Variants in AFF1 observed in about 807,000 individuals in gnomAD.
AFF1 encodes the protein ALF transcription elongation factor 1, also known as AF4/FMR2 family member 1.
A neutral mutation model predicts 121.7 loss-of-function variants in AFF1; 48 were observed. The ratio of observed to expected loss-of-function variants is 0.39; its 90% confidence interval spans 0.31 to 0.50. The LOEUF (loss-of-function observed/expected upper bound fraction) is 0.50. Ranked by LOEUF, AFF1 falls within the 20% of genes least tolerant of loss-of-function variation. The probability of loss-of-function intolerance (pLI) is 0.76; values close to 1 mark genes in which losing one functional copy is unlikely to be tolerated. For missense variants in AFF1, 1,523 were observed against 1,511.7 expected (o/e 1.01, Z -0.12); for synonymous variants, 613 against 563.0 (o/e 1.09, Z -1.26).
intron 4 of AFF1, among the ~76,000 whole-genome samples, chr4:87,065,368 C>A (rs1417257875): frequency 6.6e-6 from 1 of 152,124 alleles, no homozygotes; most frequent in Non-Finnish European, 1.5e-5. Flanking sequence ...CCCACCAGCT[C>A]CCTCCCACAA....
Position 87,046,962 on chromosome 4 carries a change from G to A in AFF1, c.427G>A (p.Ala143Thr), listed in dbSNP as rs145392385. 68 of 1,614,072 alleles carry A rather than the reference G, an allele frequency of 4.2e-5. No individual in the cohort carries two copies. In the African/African-American group the frequency reaches 6.9e-4, roughly 16 times the overall value. The change falls in exon 4 of 21, where the codon GCG becomes ACG. Residue 143 changes from alanine to threonine, a missense_variant. By Grantham distance (58) the Ala-to-Thr change is moderately conservative. Coordinates refer to ENST00000395146, the MANE Select transcript of AFF1 (RefSeq NM_001166693.3). ...VGNISHNPKM[A>T]QPRTEPMPSL... ...CAACATTAGCCACAATCCAAAGATG[G>A]CGCAGCCAAGAACTGAACCAATGCC...
At chr4:86,983,071 G>A (rs918079104) in intron 2 of AFF1, among the ~76,000 whole-genome samples, 1 of 152,048 alleles carries the variant, frequency 6.6e-6, no homozygotes, top group Non-Finnish European at 1.5e-5. Flanking sequence ...ATAAGCCTGA[G>A]TTAGACTAAG....
intron 2 of AFF1, among the ~76,000 whole-genome samples, chr4:87,035,767 G>A (rs779776736): frequency 5.9e-5 from 9 of 152,310 alleles, no homozygotes; most frequent in East Asian, 1.9e-4. Context: ...TTGAATGTTG[G>A]ATGCTTCATA....
chr4:87,108,204 C>G lies in AFF1; in HGVS notation c.1422C>G (p.Ser474Arg). The change falls in exon 11 of 21, where the codon AGC becomes AGG. Residue 474 changes from serine (S) to arginine (R), a missense_variant. Transcript: ENST00000395146. ...LPEPVASAHS[S>R]SAESESTSDS... The stretch of plus-strand genomic sequence containing the variant: ...AACCAGTGGCATCAGCACATTCCAG[C>G]AGTGCAGAGTCAGAAAGCACCAGTG... 1 of 1,614,132 alleles carries G rather than the reference C, an allele frequency of 6.2e-7. No individual in the cohort carries two copies. The highest frequency in any genetic ancestry group is 8.5e-7 in the Non-Finnish European group (1 of 1,180,010).
chr4:86,991,150 A>C (rs1724671327), intron 2 of AFF1, among the ~76,000 whole-genome samples: 1 of 151,778 alleles, frequency 6.6e-6, no homozygotes, highest in Non-Finnish European at 1.5e-5. Flanking sequence ...AAAACAAAAA[A>C]CAAAACAAAA....
At position 87,063,535 on chromosome 4, in the gene AFF1, G is replaced by A. The variant is rs557837562; in HGVS notation, c.1059+15941G>A. ...ATTGCAGGCGTGAGCCACCGCGCCC[G>A]GCCAGATCCACCTCTTTACCTTGGC... On this transcript the variant is annotated intron_variant, in intron 4 of 20. Transcript: ENST00000395146. Among the ~76,000 whole-genome samples, 251 of 152,048 alleles carry A rather than the reference G, an allele frequency of 1.7e-3. 4 individuals are homozygous for A. The South Asian group carries it at 0.018, about 11-fold the overall frequency.
chr4:87,036,911 A>C (rs1274369269), intron 2 of AFF1: 1 of 389,170 alleles, frequency 2.6e-6, no homozygotes, highest in Non-Finnish European at 4.9e-6. Context: ...GGCTCGCTGT[A>C]ACCTCTGCCT....
intron 2 of AFF1, among the ~76,000 whole-genome samples, chr4:86,990,737 A>T (rs993682218): frequency 2.6e-5 from 4 of 152,204 alleles, no homozygotes; most frequent in Non-Finnish European, 5.9e-5. Flanking sequence ...TTTCCCAGGA[A>T]CTTGATTCAA....
At chr4:86,990,308 C>A in intron 2 of AFF1, among the ~76,000 whole-genome samples, 1 of 142,694 alleles carries the variant, frequency 7.0e-6, no homozygotes, top group African/African-American at 2.8e-5. Flanking sequence ...TATAGTGAGA[C>A]CTTGTCCCTA....
Position 87,114,357 on chromosome 4 carries a change from T to C in AFF1, c.1534-10T>C. ...TCAGTTAACACTTTTCTTTCTTTCC[T>C]TATTTTTAGCCTGAGCCTCCAACAA... On this transcript the variant is annotated splice_polypyrimidine_tract_variant and intron_variant, in intron 11 of 20. Transcript: ENST00000395146. 1 of 1,577,802 alleles carries C rather than the reference T, an allele frequency of 6.3e-7. No individual in the cohort carries two copies. The highest frequency in any genetic ancestry group is 8.6e-7 in the Non-Finnish European group (1 of 1,169,432).
At chr4:86,956,411 C>A (rs933960198) in intron 2 of AFF1, among the ~76,000 whole-genome samples, 2 of 152,164 alleles carry the variant, frequency 1.3e-5, no homozygotes, top group Non-Finnish European at 2.9e-5. Context: ...AGTATTTACT[C>A]TTCTACAAGT....
chr4:86,944,319 C>T (rs1196159947), intron 1 of AFF1, among the ~76,000 whole-genome samples: 1 of 151,870 alleles, frequency 6.6e-6, no homozygotes, highest in Non-Finnish European at 1.5e-5. Context: ...TCCCATGAAG[C>T]CCCTGTATTA....
intron 5 of AFF1, among the ~76,000 whole-genome samples, chr4:87,087,059 A>C (rs1469090755): frequency 6.6e-6 from 1 of 152,222 alleles, no homozygotes; most frequent in Non-Finnish European, 1.5e-5. Context: ...TGGTGGGTGC[A>C]TGGAGACACC....
In AFF1 at chr4:87,074,577, T is replaced by C. The variant is rs144037967; in HGVS notation, c.1060-9543T>C. 2.0e-4 allele frequency among the ~76,000 whole-genome samples: 30 copies of C among 152,352 alleles called. No individual in the cohort carries two copies. In the East Asian group the frequency reaches 5.6e-3, roughly 28 times the overall value. ...ACATTTGTTTTTCATTCAGGTACTT[T>C]GTTGTTAAGTGAGTTTAAACCTATC... On this transcript the variant is annotated intron_variant, in intron 4 of 20. Coordinates refer to ENST00000395146, the MANE Select transcript of AFF1 (RefSeq NM_001166693.3).
intron 2 of AFF1, among the ~76,000 whole-genome samples, chr4:86,995,307 C>A (rs1276428749): frequency 1.7e-5 from 2 of 119,892 alleles, no homozygotes; most frequent in African/African-American, 3.0e-5. Flanking sequence ...CCTCCCTCCC[C>A]CTCTCCCCAC....
At chr4:87,064,775 G>A (rs1223473147) in intron 4 of AFF1, among the ~76,000 whole-genome samples, 1 of 151,734 alleles carries the variant, frequency 6.6e-6, no homozygotes, top group Non-Finnish European at 1.5e-5. Flanking sequence ...AGGAGGCTGA[G>A]GAAGGAGAAT....
chr4:86,963,750 C>T (rs1722317056), intron 2 of AFF1, among the ~76,000 whole-genome samples: 1 of 151,670 alleles, frequency 6.6e-6, no homozygotes, highest in Admixed American at 6.6e-5. Context: ...CTATTGATAT[C>T]TTAGTCATCC....
chr4:87,126,958 G>A, intron 14 of AFF1, 68 bp from the exon 15 acceptor site: 1 of 1,358,320 alleles, frequency 7.4e-7, no homozygotes, highest in Non-Finnish European at 1.0e-6. Flanking sequence ...ATTTAAGAGG[G>A]ATGGTACTTT....
chr4:87,016,635 T>C (rs577278056), intron 2 of AFF1, among the ~76,000 whole-genome samples: 2 of 152,270 alleles, frequency 1.3e-5, no homozygotes, highest in South Asian at 4.2e-4. Flanking sequence ...TCAGTAATGT[T>C]TAGTTACTTT....
Sources: gnomAD v4.1 joint callset for allele counts (sites outside exome capture counted in the v4.1 genomes callset) on GRCh38, gnomAD v4.1.1 for gene constraint, MANE v1.5 for transcripts, NCBI Gene and HGNC (gene_info 2026-07-23, HGNC 2026-07-21) for gene names.